Variants in NBPF15 observed in about 807,000 individuals in gnomAD.
NBPF15 encodes NBPF member 15, also known as NBPF family member NBPF15.
Under a neutral mutation model 62.2 loss-of-function variants are expected in NBPF15, and 74 were observed. The ratio of observed to expected loss-of-function variants is 1.19; its 90% CI spans 0.99 to 1.44. The LOEUF is 1.44. Ranked by LOEUF, NBPF15 falls within the 40% of genes most tolerant of loss-of-function variation. The pLI, the probability that NBPF15 is intolerant of heterozygous loss-of-function variation, is 0.00. For synonymous variants in NBPF15, 244 were observed against 209.7 expected, an observed-to-expected ratio of 1.16 and a Z score of -1.41; for missense variants, 790 against 550.0, an observed-to-expected ratio of 1.44 and a Z score of -4.36.
Position 144,440,193 on chromosome 1 carries a change from A to G in NBPF15, c.-88T>C. 6.5e-7 allele frequency: 1 copy of G among 1,541,460 alleles called. No homozygotes were observed. The highest frequency in any genetic ancestry group is 8.8e-7 in the Non-Finnish European group (1 of 1,141,026). On this transcript the variant is annotated 5_prime_UTR_variant, in exon 7 of 22. Transcript: ENST00000581897. ...CAGCACTTTAGGATCCTTCACCACA[A>G]AAACAAGGTTCGAGGTGCCTCAACT...
At position 144,439,973 on chromosome 1, in the gene NBPF15, C is replaced by G. The variant is rs1195273556; in HGVS notation, c.31G>C (p.Glu11Gln). ...TCTAGAATGTTCATCTCTGCCTTCT[C>G]GCTGGACAAAGGGCCGGCTGATACC... is the stretch of plus-strand genomic sequence containing the variant. MVVSAGPLSS[E>Q]KAEMNILEIN... The change falls in exon 8 of 22, where the codon GAG (glutamate) becomes CAG (glutamine). Residue 11 changes from glutamate to glutamine, a missense_variant. By Grantham distance (29) the Glu-to-Gln change is conservative. Coordinates refer to ENST00000581897, the MANE Select transcript of NBPF15 (RefSeq NM_001385408.1). 4 of 1,610,352 alleles carry G rather than the reference C, an allele frequency of 2.5e-6. No individual in the cohort carries two copies. Among genetic ancestry groups the G allele is most frequent in the Non-Finnish European group, 2.5e-6 (3 of 1,178,410 alleles).
In NBPF15 at chr1:144,438,049, T is replaced by C; in HGVS notation, c.176-2A>G. ...TGAGATCTTTGCACTCTTCATATTCTGAGAAAAGACAGACACGCCTGCCTC... is the reference window on the plus strand; with the variant it reads ...TGAGATCTTTGCACTCTTCATATTCCGAGAAAAGACAGACACGCCTGCCTC... On this transcript the variant is annotated splice_acceptor_variant, in intron 8 of 21. Transcript: ENST00000581897. LOFTEE classifies it high-confidence loss of function. The C allele has an allele frequency of 1.9e-6, 3 of 1,611,330 alleles. No individual in the cohort carries two copies. In the South Asian group the frequency reaches 3.3e-5, roughly 18 times the overall value.
chr1:144,449,272 G>GA (rs1266041602), intron 5 of NBPF15, among the ~76,000 whole-genome samples: 1 of 151,358 alleles, frequency 6.6e-6, no homozygotes, highest in Admixed American at 6.6e-5. Context: ...AACACTTTGG[G>GA]AAAAAATGTC....
At chr1:144,454,995 T>C (rs1168326071) in intron 4 of NBPF15, among the ~76,000 whole-genome samples, 1 of 147,302 alleles carries the variant, frequency 6.8e-6, no homozygotes, top group East Asian at 2.0e-4. Flanking sequence ...TTTTAAAAAG[T>C]AGAACAAAAA....
chr1:144,459,813 C>A (rs1463997799), intron 2 of NBPF15, among the ~76,000 whole-genome samples: 1 of 151,738 alleles, frequency 6.6e-6, no homozygotes. Flanking sequence ...TAATTTTTAA[C>A]TGACAGGCAT....
At chr1:144,438,899 T>G (rs1680736628) in intron 8 of NBPF15, among the ~76,000 whole-genome samples, 1 of 151,944 alleles carries the variant, frequency 6.6e-6, no homozygotes, top group African/African-American at 2.4e-5. Flanking sequence ...TTCTTCCTCT[T>G]TAGCAACAAG....
At position 144,422,903 on chromosome 1, in the gene NBPF15, G is replaced by T. The variant is rs1271258255; in HGVS notation, c.*110C>A. 68 of 1,608,488 alleles carry T rather than the reference G, an allele frequency of 4.2e-5. 1 individual carries two copies. The East Asian group carries it at 1.4e-3, about 34-fold the overall frequency. On this transcript the variant is annotated 3_prime_UTR_variant, in exon 22 of 22. Coordinates refer to ENST00000581897, the MANE Select transcript of NBPF15 (RefSeq NM_001385408.1). ...GAATAGGAATAGAGCCATGCTCACT[G>T]ACCCATCCTATGTCTGGGCTTCCAA... is the stretch of plus-strand genomic sequence containing the variant.
intron 12 of NBPF15, among the ~76,000 whole-genome samples, chr1:144,434,526 C>T (rs1475572952): frequency 4.5e-5 from 6 of 134,424 alleles, no homozygotes; most frequent in African/African-American, 1.7e-4. Flanking sequence ...AAAAAATCCA[C>T]GATGCTACAA....
intron 6 of NBPF15, among the ~76,000 whole-genome samples, chr1:144,444,761 G>A (rs1686041225): frequency 6.6e-6 from 1 of 151,896 alleles, no homozygotes; most frequent in South Asian, 2.1e-4. Context: ...AGTTGCAGAA[G>A]TCAAAACTCT....
At chr1:144,437,729 G>GA (rs1553541581) in intron 9 of NBPF15, among the ~76,000 whole-genome samples, 1 of 151,582 alleles carries the variant, frequency 6.6e-6, no homozygotes, top group Non-Finnish European at 1.5e-5. Flanking sequence ...TTACTTGTTT[G>GA]AAAAAGAGAA....
intron 4 of NBPF15, among the ~76,000 whole-genome samples, chr1:144,455,132 G>A (rs1211409723): frequency 1.4e-5 from 2 of 147,466 alleles, no homozygotes; most frequent in Non-Finnish European, 1.5e-5. Flanking sequence ...AGGAAGGGAG[G>A]GAGGAAGAAA....
At chr1:144,442,566 G>A (rs1313825597) in intron 6 of NBPF15, 5 of 152,248 alleles carry the variant, frequency 3.3e-5, no homozygotes, top group Admixed American at 6.6e-5. Flanking sequence ...AGCGACCAGA[G>A]GAGCCCCTGC....
At chr1:144,458,371 A>G (rs1266208766) in intron 3 of NBPF15, among the ~76,000 whole-genome samples, 1 of 151,672 alleles carries the variant, frequency 6.6e-6, no homozygotes, top group Non-Finnish European at 1.5e-5. Flanking sequence ...ATGAACATCT[A>G]GCAATCACTG....
At chr1:144,440,675 CAG>C (rs1365340631) in intron 6 of NBPF15, 62 of 138,212 alleles carry the variant, frequency 4.5e-4, no homozygotes, top group Non-Finnish European at 8.6e-4. Flanking sequence ...TTGTTTGAGA[CAG>C]AGTCTCACTC....
chr1:144,425,765 C>T (rs1206458915), intron 18 of NBPF15, among the ~76,000 whole-genome samples, 197 bp from the exon 19 acceptor site: 1 of 20,596 alleles, frequency 4.9e-5, no homozygotes. Context: ...GGTGAAATAT[C>T]CCCATTCTGG....
chr1:144,440,831 C>CTTT (rs782106062), intron 6 of NBPF15, among the ~76,000 whole-genome samples: 4 of 143,272 alleles, frequency 2.8e-5, no homozygotes, highest in African/African-American at 1.0e-4. Context: ...TTTTCTTTTT[C>CTTT]TTTTTTTTTT....
intron 6 of NBPF15, among the ~76,000 whole-genome samples, chr1:144,444,246 G>A (rs1403453476): frequency 2.7e-5 from 4 of 148,564 alleles, no homozygotes; most frequent in African/African-American, 5.1e-5. Flanking sequence ...TACCGACTGA[G>A]TGGTTCAATT....
intron 6 of NBPF15, among the ~76,000 whole-genome samples, chr1:144,441,648 G>C (rs1363579815): frequency 2.0e-5 from 3 of 149,244 alleles, no homozygotes; most frequent in African/African-American, 5.0e-5. Context: ...AGTGCAATTC[G>C]CTTGATTTCT....
intron 4 of NBPF15, among the ~76,000 whole-genome samples, chr1:144,456,116 T>C (rs1402232291): frequency 1.3e-5 from 2 of 151,066 alleles, no homozygotes; most frequent in Non-Finnish European, 3.0e-5. Context: ...TGCAGGGCCT[T>C]AGCCTGGGGG....
Sources: gnomAD v4.1 joint callset for allele counts (sites outside exome capture counted in the v4.1 genomes callset) on GRCh38, gnomAD v4.1.1 for gene constraint, MANE v1.5 for transcripts, NCBI Gene and HGNC (gene_info 2026-07-23, HGNC 2026-07-21) for gene names.